Variants in MTUS2 observed in about 807,000 individuals in gnomAD.
MTUS2 encodes microtubule associated scaffold protein 2.
MTUS2 carries 40 observed loss-of-function variants against 114.1 expected under a neutral mutation model. The observed-to-expected ratio is 0.35, with a 90% CI of 0.27 to 0.46. The LOEUF (loss-of-function observed/expected upper bound fraction) is 0.46, where lower values mean the gene tolerates loss of function less well. MTUS2 is among the 20% of genes least tolerant of loss of function. The probability of loss-of-function intolerance (pLI) is 1.00; values close to 1 mark genes in which losing one functional copy is unlikely to be tolerated. For synonymous variants in MTUS2, 688 were observed against 672.0 expected (o/e 1.02, Z -0.37); for missense variants, 1,679 against 1,705.4 (o/e 0.98, Z 0.27).
chr13:29,110,473 C>T (rs1349605491), intron 5 of MTUS2, among the ~76,000 whole-genome samples: 2 of 152,102 alleles, frequency 1.3e-5, no homozygotes, highest in Non-Finnish European at 2.9e-5. Context: ...GGAAGTCAAA[C>T]AAATGTCACT....
intron 9 of MTUS2, among the ~76,000 whole-genome samples, chr13:29,441,901 T>A (rs1052887692): frequency 2.0e-5 from 3 of 152,294 alleles, no homozygotes; most frequent in Admixed American, 6.5e-5. Flanking sequence ...GGATTTTTTT[T>A]AATCAAAAAA....
At chr13:29,454,167 C>CT (rs765696884) in intron 9 of MTUS2, among the ~76,000 whole-genome samples, 5 of 152,154 alleles carry the variant, frequency 3.3e-5, no homozygotes, top group Non-Finnish European at 4.4e-5. Flanking sequence ...ATGTAAAGAC[C>CT]TAAGTAGGTG....
chr13:28,972,277 T>C (rs917852682), intron 2 of MTUS2, among the ~76,000 whole-genome samples: 5 of 152,160 alleles, frequency 3.3e-5, no homozygotes, highest in African/African-American at 1.2e-4. Flanking sequence ...CAATAACAAA[T>C]GGCTTCTCTG....
intron 2 of MTUS2, among the ~76,000 whole-genome samples, chr13:28,956,372 A>C (rs952748608): frequency 1.3e-5 from 2 of 151,992 alleles, no homozygotes; most frequent in African/African-American, 4.8e-5. Flanking sequence ...ATGGTGCCAC[A>C]TCAGTTCAAT....
At chr13:29,391,643 G>T (rs79970508) in intron 8 of MTUS2, among the ~76,000 whole-genome samples, 47 of 148,832 alleles carry the variant, frequency 3.2e-4, no homozygotes, top group African/African-American at 1.1e-3. Flanking sequence ...TTTTTAAAAT[G>T]TTTTTTTTTT....
intron 8 of MTUS2, among the ~76,000 whole-genome samples, chr13:29,411,095 G>A (rs1224728289): frequency 6.6e-6 from 1 of 152,190 alleles, no homozygotes; most frequent in Non-Finnish European, 1.5e-5. Context: ...GCCTCCCAAA[G>A]TGCTGGCTCA....
chr13:29,247,941 C>T (rs1428531824), intron 5 of MTUS2, among the ~76,000 whole-genome samples: 2 of 152,150 alleles, frequency 1.3e-5, no homozygotes, highest in Non-Finnish European at 2.9e-5. Context: ...GAAAAAGACA[C>T]TTGCACATGC....
At chr13:29,027,298 A>G (rs145506662) in intron 3 of MTUS2, among the ~76,000 whole-genome samples, 158 of 152,312 alleles carry the variant, frequency 1.0e-3, no homozygotes, top group African/African-American at 3.4e-3. Flanking sequence ...TCATTCCTCA[A>G]TGGGGAGTAT....
intron 4 of MTUS2, among the ~76,000 whole-genome samples, chr13:29,093,152 T>C (rs1442743266): frequency 6.6e-6 from 1 of 152,130 alleles, no homozygotes; most frequent in Non-Finnish European, 1.5e-5. Context: ...AACAAAAAAC[T>C]ATGGAGTATT....
At chr13:28,831,467 C>A (rs1328827572) in intron 1 of MTUS2, among the ~76,000 whole-genome samples, 1 of 151,964 alleles carries the variant, frequency 6.6e-6, no homozygotes, top group Non-Finnish European at 1.5e-5. Context: ...ATAACCTGAA[C>A]ATAGTAATAA....
intron 2 of MTUS2, among the ~76,000 whole-genome samples, chr13:28,874,446 G>C (rs1212126959): frequency 6.6e-6 from 1 of 152,156 alleles, no homozygotes; most frequent in Non-Finnish European, 1.5e-5. Flanking sequence ...AATTCAGGAA[G>C]GACTTGGCTA....
chr13:29,390,972 G>A lies in MTUS2; in HGVS notation c.3117+31499G>A, dbSNP rs1342960933. On this transcript the variant is annotated intron_variant, in intron 8 of 15. Transcript: ENST00000612955. ...TAATTATTGTATTTTTAGTAGAGAC[G>A]GGGTTTCACCATATTGGTCGGGCTG... Among the ~76,000 whole-genome samples the A allele has an allele frequency of 2.6e-5, 4 of 151,744 alleles. No homozygotes were observed. The East Asian group carries it at 5.9e-4, about 22-fold the overall frequency.
chr13:29,244,742 G>A (rs1896849682), intron 5 of MTUS2, among the ~76,000 whole-genome samples: 1 of 151,586 alleles, frequency 6.6e-6, no homozygotes, highest in Non-Finnish European at 1.5e-5. Flanking sequence ...GGATCACGAG[G>A]TCAGGAGATC....
At chr13:29,056,577 T>C (rs1888143025) in intron 4 of MTUS2, among the ~76,000 whole-genome samples, 1 of 152,080 alleles carries the variant, frequency 6.6e-6, no homozygotes, top group Non-Finnish European at 1.5e-5. Flanking sequence ...GGACATTGTG[T>C]GTTTCTAGGA....
chr13:29,505,720 G>T lies in MTUS2; in HGVS notation c.*2514G>T. 1 of 229,244 alleles carries T rather than the reference G, an allele frequency of 4.4e-6. No homozygotes were observed. The highest frequency in any genetic ancestry group is 8.6e-6 in the Non-Finnish European group (1 of 115,668). The allele number at this position is 229,244 out of a possible 1,614,324, so 14.2% of individuals were successfully genotyped here. A position where few individuals can be genotyped will look rare whatever the true frequency, so the allele number is the denominator to read the frequency against. The stretch of plus-strand genomic sequence containing the variant: ...CCCACCAGATACCACCTGTCTCTTC[G>T]TGGCATTTGGGAGATGCGTGGGCGG... On this transcript the variant is annotated 3_prime_UTR_variant, in exon 16 of 16. Coordinates refer to ENST00000612955, the MANE Select transcript of MTUS2 (RefSeq NM_001033602.4).
intron 5 of MTUS2, among the ~76,000 whole-genome samples, chr13:29,133,796 A>G (rs937362885): frequency 6.6e-6 from 1 of 152,168 alleles, no homozygotes; most frequent in African/African-American, 2.4e-5. Context: ...TCCTCCAGCT[A>G]AATGTTAGTC....
At chr13:29,418,810 C>A (rs1875865249) in intron 8 of MTUS2, among the ~76,000 whole-genome samples, 1 of 152,220 alleles carries the variant, frequency 6.6e-6, no homozygotes, top group Non-Finnish European at 1.5e-5. Context: ...TAGACCCTCC[C>A]CGTGTGGGTG....
chr13:29,452,574 A>ATGTGTGTGTG (rs56367128), intron 9 of MTUS2, among the ~76,000 whole-genome samples: 1 of 130,260 alleles, frequency 7.7e-6, no homozygotes, highest in African/African-American at 3.1e-5. Flanking sequence ...ATATATATAT[A>ATGTGTGTGTG]TGTGTGTGTG....
At position 28,923,072 on chromosome 13, in the gene MTUS2, T is replaced by G. The variant is rs976381295; in HGVS notation, c.-243+83222T>G. On this transcript the variant is annotated intron_variant, in intron 2 of 15. Transcript: ENST00000612955. ...ATTGTTAAAATTGGGTAAATTTTAT[T>G]GATTTGTTCTAAAGTTTATGTATTC... 2.2e-4 allele frequency among the ~76,000 whole-genome samples: 34 copies of G among 152,234 alleles called. 1 individual carries two copies. The highest frequency in any genetic ancestry group is 1.0e-4 in the Non-Finnish European group (7 of 68,036).
Sources: gnomAD v4.1 joint callset for allele counts (sites outside exome capture counted in the v4.1 genomes callset) on GRCh38, gnomAD v4.1.1 for gene constraint, MANE v1.5 for transcripts, NCBI Gene and HGNC (gene_info 2026-07-23, HGNC 2026-07-21) for gene names.